SPRY3: variants seen among roughly 807,000 people sequenced by gnomAD.
The protein encoded by SPRY3 is protein sprouty homolog 3.
Under a neutral mutation model 20.2 loss-of-function variants are expected in SPRY3, and 15 were observed. The observed-to-expected ratio is 0.74, with a 90% confidence interval of 0.50 to 1.14. The LOEUF is 1.14. Among genes scored for constraint, SPRY3 ranks in the 50% most tolerant of loss-of-function variants. The pLI, the probability that SPRY3 is intolerant of heterozygous loss-of-function variation, is 0.00. For missense variants in SPRY3, 364 were observed against 363.9 expected, an observed-to-expected ratio of 1.00 and a Z score of 0.00; for synonymous variants, 143 against 136.5, an observed-to-expected ratio of 1.05 and a Z score of -0.33.
At chrX:155,773,723 GC>G (rs1173094724) in intron 3 of SPRY3, 42 bp from the exon 3 acceptor site, 79 of 879,740 alleles carry the variant, frequency 9.0e-5, no homozygotes, top group Middle Eastern at 7.2e-4. Flanking sequence ...AAGTACTTAT[GC>G]CTGTGTGTTC....
chrX:155,750,276 T>C (rs2091255186), intron 2 of SPRY3, among the ~76,000 whole-genome samples: 1 of 151,662 alleles, frequency 6.6e-6, no homozygotes, highest in African/African-American at 2.4e-5. Flanking sequence ...TGGAGACTAG[T>C]GCGGGGGGAA....
downstream of SPRY3, chrX:155,777,460 G>A (rs1569404171): frequency 6.0e-6 from 1 of 166,512 alleles, no homozygotes; most frequent in Non-Finnish European, 1.5e-5. Flanking sequence ...CTTGGTAGAA[G>A]AAATTGAAGG....
chrX:155,705,534 A>C (rs2090944402), intron 2 of SPRY3, among the ~76,000 whole-genome samples: 1 of 151,538 alleles, frequency 6.6e-6, no homozygotes, highest in Middle Eastern at 3.4e-3. Context: ...ATTAAGTGTA[A>C]ATATTCTGAA....
intron 2 of SPRY3, among the ~76,000 whole-genome samples, chrX:155,691,763 C>G (rs751235312): frequency 2.3e-5 from 2 of 87,687 alleles, no homozygotes; most frequent in Non-Finnish European, 4.3e-5. Flanking sequence ...ATCGCCTCAA[C>G]CATTTATTAT....
chrX:155,655,954 G>T (rs782125826), intron 1 of SPRY3, among the ~76,000 whole-genome samples: 2 of 112,114 alleles, frequency 1.8e-5, no homozygotes, highest in South Asian at 7.3e-4. Context: ...CTGGCTTGTT[G>T]CATTTCTCCA....
intron 2 of SPRY3, among the ~76,000 whole-genome samples, chrX:155,705,431 G>A (rs1449072737): frequency 2.0e-5 from 3 of 151,252 alleles, no homozygotes; most frequent in African/African-American, 7.3e-5. Flanking sequence ...AGAGAAGGCA[G>A]AAAAGGAAGA....
At chrX:155,724,411 C>A (rs1312660065) in intron 2 of SPRY3, among the ~76,000 whole-genome samples, 1 of 152,102 alleles carries the variant, frequency 6.6e-6, no homozygotes, top group Non-Finnish European at 1.5e-5. Flanking sequence ...TTCTTCCTAC[C>A]CATGAGCATG....
At chrX:155,731,454 T>C (rs964521092) in intron 2 of SPRY3, among the ~76,000 whole-genome samples, 1 of 151,912 alleles carries the variant, frequency 6.6e-6, no homozygotes, top group Admixed American at 6.6e-5. Context: ...ACTGGATATC[T>C]ACATGCAGAA....
chrX:155,774,221 C>CT lies in SPRY3; in HGVS notation c.351dup (p.Gly118TrpfsTer9). On this transcript the variant is annotated frameshift_variant, in exon 4 of 4. Transcript: ENST00000675360. LOFTEE classifies it high-confidence loss of function. ...GGCCAATCCATCATCCGAACCCAAC[C>CT]TGGAGCAGGGGTCCACCCAAAGGCT... 6.2e-7 allele frequency: 1 copy of CT among 1,614,008 alleles called. No individual in the cohort carries two copies. Among genetic ancestry groups the CT allele is most frequent in the Non-Finnish European group, 8.5e-7 (1 of 1,179,862 alleles).
At chrX:155,706,020 T>G (rs1447614119) in intron 2 of SPRY3, among the ~76,000 whole-genome samples, 2 of 151,310 alleles carry the variant, frequency 1.3e-5, no homozygotes, top group African/African-American at 4.8e-5. Context: ...AAGAACTAAT[T>G]GACATTTATA....
At chrX:155,767,073 C>T (rs1043489528) in intron 2 of SPRY3, among the ~76,000 whole-genome samples, 20 of 152,106 alleles carry the variant, frequency 1.3e-4, no homozygotes, top group African/African-American at 4.8e-4. Context: ...ACCCCACCCC[C>T]ACGTTCCTTT....
Position 155,763,935 on chromosome X carries a change from A to C in SPRY3, c.-281-4027A>C, listed in dbSNP as rs1379107028. ...CAACCGGTTACTACAAAGCATGGAA[A>C]GGTGTATTTTATTCATTACAAAATC... On this transcript the variant is annotated intron_variant, in intron 2 of 3. Transcript: ENST00000675360. Among the ~76,000 whole-genome samples, 9 of 152,314 alleles carry C rather than the reference A, an allele frequency of 5.9e-5. No homozygotes were observed. In the East Asian group the frequency reaches 1.5e-3, roughly 26 times the overall value.
At chrX:155,659,071 T>C (rs1483482170) in intron 2 of SPRY3, among the ~76,000 whole-genome samples, 1 of 111,656 alleles carries the variant, frequency 9.0e-6, no homozygotes, top group Non-Finnish European at 1.9e-5. Flanking sequence ...GAAGTGTTGT[T>C]GGATTCCTTT....
intron 2 of SPRY3, among the ~76,000 whole-genome samples, chrX:155,674,930 A>G (rs1306402294): frequency 9.0e-6 from 1 of 111,183 alleles, no homozygotes; most frequent in East Asian, 2.8e-4. Context: ...TTTCTTAACC[A>G]TTTTCTATTT....
chrX:155,742,960 A>T (rs2091210336), intron 2 of SPRY3, among the ~76,000 whole-genome samples: 1 of 152,126 alleles, frequency 6.6e-6, no homozygotes, highest in South Asian at 2.1e-4. Flanking sequence ...AAGACAAGAA[A>T]TAACCAGCAT....
chrX:155,697,699 G>A (rs2068124054), intron 2 of SPRY3, among the ~76,000 whole-genome samples: 1 of 108,741 alleles, frequency 9.2e-6, no homozygotes, highest in Non-Finnish European at 1.9e-5. Flanking sequence ...GGAGAACGCT[G>A]ACTAATGCAA....
intron 2 of SPRY3, among the ~76,000 whole-genome samples, chrX:155,726,988 C>T (rs2091102623): frequency 6.6e-6 from 1 of 151,266 alleles, no homozygotes; most frequent in Non-Finnish European, 1.5e-5. Flanking sequence ...TTAGTGCTTC[C>T]TTCAGGCCTG....
intron 2 of SPRY3, among the ~76,000 whole-genome samples, chrX:155,761,197 T>G (rs1193514873): frequency 6.6e-6 from 1 of 152,196 alleles, no homozygotes; most frequent in Non-Finnish European, 1.5e-5. Context: ...TTAAATTACC[T>G]ATCCTAATTT....
intron 1 of SPRY3, among the ~76,000 whole-genome samples, chrX:155,629,792 A>G (rs1039923660): frequency 6.2e-5 from 7 of 112,064 alleles, no homozygotes; most frequent in African/African-American, 1.9e-4. Context: ...TTCTCTTGCT[A>G]TTGACTTGTG....
Sources: allele counts gnomAD v4.1 joint callset (sites outside exome capture counted in the v4.1 genomes callset), GRCh38; gene constraint gnomAD v4.1.1; transcripts MANE v1.5; gene names NCBI Gene and HGNC (gene_info 2026-07-23, HGNC 2026-07-21).